KCNH5: variants seen among roughly 807,000 people sequenced by gnomAD.
The protein encoded by KCNH5 is voltage-gated delayed rectifier potassium channel KCNH5.
In KCNH5, 46 loss-of-function variants were observed where a neutral mutation model predicts 96.1. The observed-to-expected ratio is 0.48, with a 90% CI of 0.38 to 0.61. KCNH5 has a LOEUF of 0.61. Among genes scored for constraint, KCNH5 ranks in the 20% least tolerant of loss-of-function variants. The probability of loss-of-function intolerance (pLI) is 0.00; values close to 1 mark genes in which losing one functional copy is unlikely to be tolerated. For missense variants in KCNH5, 907 were observed against 1,225.8 expected, an observed-to-expected ratio of 0.74 and a Z score of 3.88; for synonymous variants, 439 against 449.8, an observed-to-expected ratio of 0.98 and a Z score of 0.30.
At chr14:62,844,956 A>C (rs997460459) in intron 8 of KCNH5, among the ~76,000 whole-genome samples, 1 of 149,710 alleles carries the variant, frequency 6.7e-6, no homozygotes, top group Non-Finnish European at 1.5e-5. Flanking sequence ...AGCTTCAATG[A>C]ATCATTAAAT....
chr14:62,767,164 CA>C (rs564322687), intron 10 of KCNH5, among the ~76,000 whole-genome samples: 2 of 152,012 alleles, frequency 1.3e-5, no homozygotes, highest in South Asian at 4.1e-4. Flanking sequence ...CTTAAAAAGT[CA>C]AAAAACAACA....
chr14:62,757,611 C>CAA (rs533610629), intron 10 of KCNH5, among the ~76,000 whole-genome samples: 5 of 119,192 alleles, frequency 4.2e-5, no homozygotes, highest in Non-Finnish European at 8.8e-5. Context: ...ACTATTCAGC[C>CAA]AAAAAAAAAA....
At chr14:62,738,876 A>T (rs1885214100) in intron 10 of KCNH5, among the ~76,000 whole-genome samples, 1 of 152,150 alleles carries the variant, frequency 6.6e-6, no homozygotes, top group South Asian at 2.1e-4. Context: ...ACATAGAAAG[A>T]GCATTATGGA....
At chr14:62,992,559 T>C (rs1890830060) in intron 4 of KCNH5, among the ~76,000 whole-genome samples, 1 of 152,114 alleles carries the variant, frequency 6.6e-6, no homozygotes, top group African/African-American at 2.4e-5. Flanking sequence ...TTAATTTGCA[T>C]TTCTCTGATG....
intron 7 of KCNH5, among the ~76,000 whole-genome samples, chr14:62,881,244 A>G: frequency 6.6e-6 from 1 of 152,208 alleles, no homozygotes; most frequent in East Asian, 1.9e-4. Flanking sequence ...TGAAGTACAT[A>G]AACAGAAACT....
chr14:62,833,516 C>T (rs1468843913), intron 8 of KCNH5, among the ~76,000 whole-genome samples: 1 of 151,984 alleles, frequency 6.6e-6, no homozygotes, highest in African/African-American at 2.4e-5. Flanking sequence ...CAGGACCATA[C>T]TGTTTTAATT....
rs775731867 is a variant in KCNH5 at position 62,708,258 on chromosome 14, G to C, written c.2217C>G (p.Arg739=). 2.5e-6 allele frequency: 4 copies of C among 1,614,212 alleles called. No homozygotes were observed. The South Asian group carries it at 4.4e-5, about 18-fold the overall frequency. ...PERNQLQVES[R]SLQNGASITG... ...TGATGGAGGCTCCATTCTGTAAGGA[G>C]CGGCTCTCTACCTGGAGTTGGTTCC... The change falls in exon 11 of 11, where the codon CGC becomes CGG. Residue 739 remains arginine, a synonymous_variant. Transcript: ENST00000322893.
At chr14:63,031,891 G>C (rs996612824) in intron 1 of KCNH5, among the ~76,000 whole-genome samples, 28 of 151,968 alleles carry the variant, frequency 1.8e-4, no homozygotes, top group African/African-American at 6.0e-4. Context: ...TTTAAGACGT[G>C]TAGAAAAAAA....
intron 1 of KCNH5, among the ~76,000 whole-genome samples, chr14:63,028,370 A>G (rs2139620387): frequency 6.6e-6 from 1 of 152,212 alleles, no homozygotes; most frequent in African/African-American, 2.4e-5. Flanking sequence ...AAAAGCAACC[A>G]TTAGTGGACT....
chr14:62,789,852 G>A (rs1322991513), intron 9 of KCNH5, among the ~76,000 whole-genome samples: 1 of 151,880 alleles, frequency 6.6e-6, no homozygotes, highest in Non-Finnish European at 1.5e-5. Context: ...TCTACAGGCT[G>A]CCTTTTCATT....
chr14:62,778,024 T>C (rs1025872092), intron 10 of KCNH5, among the ~76,000 whole-genome samples: 2 of 152,148 alleles, frequency 1.3e-5, no homozygotes, highest in Admixed American at 1.3e-4. Flanking sequence ...GAAGGAAAAA[T>C]AACTGCCCAT....
In KCNH5 at chr14:63,044,510, T is replaced by C. The variant is rs117010920; in HGVS notation, c.73+604A>G. Among the ~76,000 whole-genome samples the C allele has an allele frequency of 4.6e-3, 706 of 152,274 alleles. 2 individuals are homozygous for C. Among genetic ancestry groups the C allele is most frequent in the Non-Finnish European group, 8.4e-3 (574 of 68,018 alleles). ...ATAGATGAATGTACAGTGAAAAACA[T>C]AGCAAGAAGAAACTTGAAGCACCAA... On this transcript the variant is annotated intron_variant, in intron 1 of 10. Transcript: ENST00000322893.
chr14:62,978,519 G>A (rs1890544740), intron 6 of KCNH5, among the ~76,000 whole-genome samples: 2 of 151,508 alleles, frequency 1.3e-5, no homozygotes, highest in Non-Finnish European at 2.9e-5. Flanking sequence ...CCCGGGAGGC[G>A]GAGCTTGCAG....
At chr14:62,891,946 C>T (rs1888719832) in intron 7 of KCNH5, among the ~76,000 whole-genome samples, 1 of 152,082 alleles carries the variant, frequency 6.6e-6, no homozygotes, top group African/African-American at 2.4e-5. Flanking sequence ...TCTTTCTTCC[C>T]CTACTTGGGT....
intron 1 of KCNH5, among the ~76,000 whole-genome samples, chr14:63,029,350 T>A: frequency 6.6e-6 from 1 of 152,152 alleles, no homozygotes; most frequent in East Asian, 1.9e-4. Flanking sequence ...ACTGGTTGCC[T>A]GATATACAAA....
chr14:63,043,282 G>A (rs1047287744), intron 1 of KCNH5, among the ~76,000 whole-genome samples: 7 of 152,068 alleles, frequency 4.6e-5, no homozygotes, highest in Admixed American at 4.6e-4. Context: ...TCTTTATAAA[G>A]CAGAGCAATC....
chr14:62,858,550 C>G (rs1007472769), intron 7 of KCNH5, among the ~76,000 whole-genome samples: 10 of 152,154 alleles, frequency 6.6e-5, no homozygotes, highest in Non-Finnish European at 1.3e-4. Context: ...AGGAAGAGCC[C>G]AAAGTGTCCA....
intron 10 of KCNH5, among the ~76,000 whole-genome samples, chr14:62,778,196 T>C (rs1886137926): frequency 6.6e-6 from 1 of 152,162 alleles, no homozygotes. Context: ...CGAGGGGGAC[T>C]GGTTCCAGGA....
At chr14:62,974,931 A>G (rs1363508434) in intron 6 of KCNH5, among the ~76,000 whole-genome samples, 1 of 152,226 alleles carries the variant, frequency 6.6e-6, no homozygotes, top group East Asian at 1.9e-4. Flanking sequence ...TGAGGAAACA[A>G]ACACATACAA....
Sources: gnomAD v4.1 joint callset for allele counts (sites outside exome capture counted in the v4.1 genomes callset) on GRCh38, gnomAD v4.1.1 for gene constraint, MANE v1.5 for transcripts, NCBI Gene and HGNC (gene_info 2026-07-23, HGNC 2026-07-21) for gene names.